BCHE: variants seen among roughly 807,000 people sequenced by gnomAD.
The protein encoded by BCHE is cholinesterase.
BCHE carries 48 observed loss-of-function variants against 51.3 expected under a neutral mutation model. The observed-to-expected ratio is 0.94, with a 90% CI of 0.74 to 1.19. The LOEUF is 1.19. BCHE is among the 50% of genes most tolerant of loss of function. BCHE has a pLI of 0.00. For synonymous variants in BCHE, 251 were observed against 238.0 expected (o/e 1.05, Z -0.50); for missense variants, 847 against 708.2 (o/e 1.20, Z -2.23).
At chr3:165,776,214 A>G (rs1712465944) in intron 3 of BCHE, among the ~76,000 whole-genome samples, 1 of 152,022 alleles carries the variant, frequency 6.6e-6, no homozygotes, top group Non-Finnish European at 1.5e-5. Flanking sequence ...TTGATTAATT[A>G]AAACATAATT....
chr3:165,786,994 G>T (rs1712979825), intron 2 of BCHE, among the ~76,000 whole-genome samples: 1 of 151,738 alleles, frequency 6.6e-6, no homozygotes, highest in African/African-American at 2.4e-5. Context: ...TAGGGAATTA[G>T]ATAGAGTTCC....
intron 1 of BCHE, among the ~76,000 whole-genome samples, chr3:165,835,997 G>C (rs987481715): frequency 6.6e-6 from 1 of 151,786 alleles, no homozygotes; most frequent in East Asian, 1.9e-4. Context: ...TACTTATCAA[G>C]AAATGACTCG....
intron 1 of BCHE, among the ~76,000 whole-genome samples, chr3:165,833,055 T>C (rs1315595867): frequency 2.0e-5 from 3 of 152,140 alleles, no homozygotes; most frequent in Non-Finnish European, 4.4e-5. Flanking sequence ...TGTATATGCA[T>C]ATATATTTAC....
At chr3:165,795,850 A>G (rs1425712705) in intron 2 of BCHE, among the ~76,000 whole-genome samples, 1 of 152,120 alleles carries the variant, frequency 6.6e-6, no homozygotes, top group Admixed American at 6.5e-5. Context: ...TTACTGTTTC[A>G]TCATTCCTGA....
intron 2 of BCHE, among the ~76,000 whole-genome samples, chr3:165,824,949 G>A (rs1426233801): frequency 6.6e-6 from 1 of 151,926 alleles, no homozygotes; most frequent in Admixed American, 6.6e-5. Flanking sequence ...ATCAGCTTTT[G>A]TGAAAACTGA....
intron 2 of BCHE, among the ~76,000 whole-genome samples, chr3:165,817,802 T>A (rs1181287767): frequency 3.9e-5 from 6 of 152,032 alleles, no homozygotes; most frequent in Non-Finnish European, 1.5e-5. Flanking sequence ...CAAGCATTAT[T>A]GAGGTAATAG....
intron 2 of BCHE, among the ~76,000 whole-genome samples, chr3:165,794,556 TA>T (rs1713297155): frequency 6.6e-6 from 1 of 152,150 alleles, no homozygotes; most frequent in African/African-American, 2.4e-5. Context: ...CCTCACATAG[TA>T]GAAGGGAGAA....
intron 2 of BCHE, among the ~76,000 whole-genome samples, chr3:165,814,075 C>T (rs1311839479): frequency 6.6e-6 from 1 of 152,020 alleles, no homozygotes; most frequent in East Asian, 1.9e-4. Flanking sequence ...TAGTATCCCT[C>T]ATATTACGAT....
intron 2 of BCHE, among the ~76,000 whole-genome samples, chr3:165,820,411 G>C (rs1481328829): frequency 6.6e-6 from 1 of 151,808 alleles, no homozygotes; most frequent in Non-Finnish European, 1.5e-5. Flanking sequence ...TAAGTTACAG[G>C]AATACTACAG....
rs1403542505 is a variant in BCHE, at chr3:165,830,779, A to G, written c.255T>C (p.Asn85=). ...AGCAAGAATTTGCATATTTTGTGGC[A>G]TTCCAAATATCAGACCACTTGGTCA... ...QSLTKWSDIW[N]ATKYANSCCQ... Residue 85 remains asparagine, a synonymous_variant, in exon 2 of 4, where the codon AAT becomes AAC. Coordinates refer to ENST00000264381, the MANE Select transcript of BCHE (RefSeq NM_000055.4). The G allele has an allele frequency of 1.2e-6, 2 of 1,613,722 alleles. No homozygotes were observed. Among genetic ancestry groups the G allele is most frequent in the Middle Eastern group, 1.7e-4 (1 of 6,060 alleles).
chr3:165,776,645 T>C (rs1288739009), intron 3 of BCHE, among the ~76,000 whole-genome samples: 1 of 151,850 alleles, frequency 6.6e-6, no homozygotes, highest in Non-Finnish European at 1.5e-5. Context: ...AACCCTAACT[T>C]GTAGAAAGAG....
chr3:165,832,014 TA>T lies in BCHE; in HGVS notation c.-8-974del, dbSNP rs1715007489. On this transcript the variant is annotated intron_variant, in intron 1 of 3. Coordinates refer to ENST00000264381, the MANE Select transcript of BCHE (RefSeq NM_000055.4). ...CAGTCAGAATTATTTGCATTTTTTA[TA>T]ATGAAAAAAATGACTGAAATTAGAG... 2.0e-5 allele frequency among the ~76,000 whole-genome samples: 3 copies of T among 152,114 alleles called. No homozygotes were observed. The South Asian group carries it at 6.2e-4, about 31-fold the overall frequency.
intron 3 of BCHE, among the ~76,000 whole-genome samples, chr3:165,777,247 G>T (rs1309285162): frequency 6.6e-6 from 1 of 151,812 alleles, no homozygotes; most frequent in African/African-American, 2.4e-5. Flanking sequence ...TAAGGACATT[G>T]AGGACCTTAT....
chr3:165,776,117 A>G (rs1250711786), intron 3 of BCHE, among the ~76,000 whole-genome samples: 1 of 151,994 alleles, frequency 6.6e-6, no homozygotes, highest in Non-Finnish European at 1.5e-5. Flanking sequence ...ATTATAAACA[A>G]GGATTAAACT....
chr3:165,776,793 G>T (rs1024611260), intron 3 of BCHE, among the ~76,000 whole-genome samples: 1 of 151,526 alleles, frequency 6.6e-6, no homozygotes, highest in Non-Finnish European at 1.5e-5. Flanking sequence ...GACCTTTCCA[G>T]ATTCTTATGT....
chr3:165,788,683 G>A (rs1420599811), intron 2 of BCHE, among the ~76,000 whole-genome samples: 8 of 152,078 alleles, frequency 5.3e-5, no homozygotes, highest in Non-Finnish European at 1.2e-4. Flanking sequence ...TTTTAACTGC[G>A]CATTCATTTC....
intron 2 of BCHE, among the ~76,000 whole-genome samples, chr3:165,814,908 A>G (rs943477262): frequency 4.7e-5 from 7 of 149,758 alleles, no homozygotes; most frequent in Non-Finnish European, 1.0e-4. Flanking sequence ...TAGAATTAGT[A>G]TTATATTTAT....
chr3:165,804,786 C>A (rs1463489614), intron 2 of BCHE, among the ~76,000 whole-genome samples: 1 of 152,166 alleles, frequency 6.6e-6, no homozygotes, highest in Non-Finnish European at 1.5e-5. Flanking sequence ...ATTAAAGAAT[C>A]TCTTGAGTTT....
Position 165,831,056 on chromosome 3 carries a change from A to C in BCHE, c.-8-15T>G, listed in dbSNP as rs540274817. The C allele has an allele frequency of 6.3e-7, 1 of 1,592,216 alleles. No individual in the cohort carries two copies. The highest frequency in any genetic ancestry group is 2.2e-5 in the East Asian group (1 of 44,560). On this transcript the variant is annotated splice_polypyrimidine_tract_variant and intron_variant, in intron 1 of 3. Coordinates refer to ENST00000264381, the MANE Select transcript of BCHE (RefSeq NM_000055.4). ...CATATTGATTTCTGAAAGAGAGGTAAGTATAATGTTTTATAAGCCTTCTGC... is the reference window on the plus strand; with the variant it reads ...CATATTGATTTCTGAAAGAGAGGTACGTATAATGTTTTATAAGCCTTCTGC...
Sources: gnomAD v4.1 joint callset for allele counts (sites outside exome capture counted in the v4.1 genomes callset) on GRCh38, gnomAD v4.1.1 for gene constraint, MANE v1.5 for transcripts, NCBI Gene and HGNC (gene_info 2026-07-23, HGNC 2026-07-21) for gene names.